DNAH10: variants seen among roughly 807,000 people sequenced by gnomAD.
DNAH10 encodes dynein axonemal heavy chain 10.
A neutral mutation model predicts 506.6 loss-of-function variants in DNAH10; 348 were observed. The observed-to-expected ratio is 0.69, with a 90% CI of 0.63 to 0.75. The LOEUF (loss-of-function observed/expected upper bound fraction) is 0.75, where lower values mean the gene tolerates loss of function less well. Ranked by LOEUF, DNAH10 falls within the 30% of genes least tolerant of loss-of-function variation. The pLI, the probability that DNAH10 is intolerant of heterozygous loss-of-function variation, is 0.00. For synonymous variants in DNAH10, 2,059 were observed against 2,198.6 expected, an observed-to-expected ratio of 0.94 and a Z score of 1.78; for missense variants, 5,179 against 5,787.1, an observed-to-expected ratio of 0.89 and a Z score of 3.41.
chr12:123,814,104 A>G (rs1565938646), intron 21 of DNAH10, 192 bp downstream of exon 21: 3 of 522,588 alleles, frequency 5.7e-6, no homozygotes, highest in South Asian at 6.8e-5. Context: ...TTCAATCTGT[A>G]TGGCTCAAAT....
At chr12:123,808,510 C>T (rs908554837) in intron 18 of DNAH10, among the ~76,000 whole-genome samples, 3 of 152,106 alleles carry the variant, frequency 2.0e-5, no homozygotes, top group African/African-American at 7.2e-5. Flanking sequence ...TGTGAGTGCT[C>T]CTTTTTCCTT....
intron 17 of DNAH10, 112 bp from the exon 18 acceptor site, chr12:123,804,721 T>C: frequency 1.0e-6 from 1 of 956,664 alleles, no homozygotes; most frequent in Non-Finnish European, 1.6e-6. Context: ...TGGGCTGAGG[T>C]TGGAGGCTGG....
chr12:123,767,278 C>T (rs902841267), intron 1 of DNAH10, among the ~76,000 whole-genome samples: 4 of 152,144 alleles, frequency 2.6e-5, no homozygotes. Flanking sequence ...TTGAAATGTA[C>T]AGTTTAGGGT....
At chr12:123,859,026 T>C (rs1203543352) in intron 37 of DNAH10, 124 bp from the exon 38 acceptor site, 2 of 887,306 alleles carry the variant, frequency 2.3e-6, no homozygotes, top group Non-Finnish European at 1.7e-6. Flanking sequence ...TCTGTGAATA[T>C]ACTGGAAACC....
chr12:123,807,874 C>CAGAG (rs149207994), intron 18 of DNAH10, among the ~76,000 whole-genome samples: 3 of 1,528 alleles, frequency 2.0e-3, no homozygotes, highest in South Asian at 0.034. Flanking sequence ...GAGAGAGAAA[C>CAGAG]AGGAAGAGGG....
chr12:123,803,896 A>G (rs990856987), intron 17 of DNAH10, 71 bp downstream of exon 17: 56 of 1,425,214 alleles, frequency 3.9e-5, no homozygotes, highest in Non-Finnish European at 5.2e-5. Context: ...ATACATGTGT[A>G]TATATGTACC....
intron 10 of DNAH10, 62 bp from the exon 11 acceptor site, chr12:123,789,865 A>T: frequency 6.9e-7 from 1 of 1,446,568 alleles, no homozygotes; most frequent in Non-Finnish European, 9.6e-7. Flanking sequence ...ATCCATTTGT[A>T]GTTCTAATAT....
intron 18 of DNAH10, among the ~76,000 whole-genome samples, chr12:123,805,916 ACAGG>A (rs1220086598): frequency 6.6e-6 from 1 of 151,446 alleles, no homozygotes; most frequent in Non-Finnish European, 1.5e-5. Flanking sequence ...AGCTGGGACT[ACAGG>A]CGCCCACCAC....
At chr12:123,892,026 T>G (rs1300317017) in intron 52 of DNAH10, among the ~76,000 whole-genome samples, 5 of 152,224 alleles carry the variant, frequency 3.3e-5, no homozygotes, top group Non-Finnish European at 7.3e-5. Flanking sequence ...GGGCTGCTCA[T>G]GTAGGCACCT....
chr12:123,803,917 C>T (rs1460873233), intron 17 of DNAH10, 92 bp downstream of exon 17: 6 of 1,238,516 alleles, frequency 4.8e-6, no homozygotes, highest in South Asian at 3.1e-5. Flanking sequence ...TATAAATATA[C>T]ATATGTATTT....
At position 123,893,456 on chromosome 12, in the gene DNAH10, T is replaced by G; in HGVS notation, c.9199+20T>G. ...TCCCAGGTACCCGCGGTGGAGCCTG[T>G]GAACCCATTTCCCCTGCTTTGGCAG... On this transcript the variant is annotated intron_variant, in intron 53 of 78. Transcript: ENST00000673944. 6.2e-7 allele frequency: 1 copy of G among 1,611,694 alleles called. No homozygotes were observed. Among genetic ancestry groups the G allele is most frequent in the Non-Finnish European group, 8.5e-7 (1 of 1,179,738 alleles).
In DNAH10 at chr12:123,787,980, A is replaced by G; in HGVS notation, c.1598A>G (p.Gln533Arg). Residue 533 changes from glutamine (Q) to arginine (R), a missense_variant, in exon 10 of 79, where the codon CAG becomes CGG. This residue lies in a region of DNAH10 where 4,844 missense variants were observed against 5,430.5 expected (regional missense o/e 0.89). Coordinates refer to ENST00000673944, the MANE Select transcript of DNAH10 (RefSeq NM_001372106.1). This position sits in a 1 kb window ranked among gnomAD's most constrained non-coding sequence, Gnocchi z 4.6. ...ERTDYMATIC[Q>R]DLSDVLQILE... ...ACGGATTATATGGCCACCATCTGCC[A>G]GGACCTCTCCGACGTTCTGCAGGTA... 1 of 1,578,396 alleles carries G rather than the reference A, an allele frequency of 6.3e-7. No individual in the cohort carries two copies. Among genetic ancestry groups the G allele is most frequent in the Non-Finnish European group, 8.6e-7 (1 of 1,161,674 alleles).
chr12:123,899,976 C>T (rs1462981626), intron 56 of DNAH10, among the ~76,000 whole-genome samples: 3 of 152,184 alleles, frequency 2.0e-5, no homozygotes, highest in African/African-American at 2.4e-5. Context: ...TCACTGTGGC[C>T]GTGAAGGGTC....
chr12:123,774,515 AAC>A (rs1957369087), intron 5 of DNAH10, among the ~76,000 whole-genome samples: 1 of 152,254 alleles, frequency 6.6e-6, no homozygotes, highest in African/African-American at 2.4e-5. Flanking sequence ...GAGAGCCGCA[AAC>A]AGAGATTTAC....
intron 12 of DNAH10, among the ~76,000 whole-genome samples, chr12:123,795,828 A>G (rs1001228572): frequency 6.6e-6 from 1 of 152,210 alleles, no homozygotes; most frequent in Non-Finnish European, 1.5e-5. Flanking sequence ...ACTGTAGTCA[A>G]TAACCTAATT....
chr12:123,824,128 G>C (rs1488434184), intron 24 of DNAH10, among the ~76,000 whole-genome samples: 1 of 152,192 alleles, frequency 6.6e-6, no homozygotes, highest in Non-Finnish European at 1.5e-5. Context: ...AGCGGTGCAG[G>C]TTGGGAAGCA....
chr12:123,831,508 G>T (rs1481802246), intron 26 of DNAH10, among the ~76,000 whole-genome samples: 1 of 152,188 alleles, frequency 6.6e-6, no homozygotes, highest in African/African-American at 2.4e-5. Flanking sequence ...AGAATCTATT[G>T]CTCTAGACTG....
At chr12:123,816,504 G>A (rs894860046) in intron 21 of DNAH10, among the ~76,000 whole-genome samples, 9 of 152,156 alleles carry the variant, frequency 5.9e-5, no homozygotes, top group African/African-American at 2.2e-4. Context: ...CTCAGAGAAG[G>A]CGTGGAGGCT....
chr12:123,895,134 G>C (rs553733767), intron 54 of DNAH10, among the ~76,000 whole-genome samples: 1 of 152,324 alleles, frequency 6.6e-6, no homozygotes, highest in East Asian at 1.9e-4. Flanking sequence ...GTACTGTTCG[G>C]CTCTTTGTAG....
Sources: gnomAD v4.1 joint callset for allele counts (sites outside exome capture counted in the v4.1 genomes callset) on GRCh38, gnomAD v4.1.1 for gene constraint, gnomAD v4.1.1 regional missense constraint, Gnocchi (gnomAD v3.1) non-coding constraint, MANE v1.5 for transcripts, NCBI Gene and HGNC (gene_info 2026-07-23, HGNC 2026-07-21) for gene names.